SLC38A4: variants seen among roughly 807,000 people sequenced by gnomAD.
SLC38A4 encodes solute carrier family 38 member 4.
In SLC38A4, 20 loss-of-function variants were observed where a neutral mutation model predicts 63.1. That is an observed-to-expected ratio of 0.32 (90% CI 0.22 to 0.46). The LOEUF is 0.46. SLC38A4 is among the 20% of genes least tolerant of loss of function. The probability of loss-of-function intolerance (pLI) is 1.00; values close to 1 mark genes in which losing one functional copy is unlikely to be tolerated. For synonymous variants in SLC38A4, 230 were observed against 225.5 expected, an observed-to-expected ratio of 1.02 and a Z score of -0.18; for missense variants, 526 against 663.6, an observed-to-expected ratio of 0.79 and a Z score of 2.28.
chr12:46,793,024 C>T lies in SLC38A4; in HGVS notation c.48G>A (p.Glu16=). The T allele has an allele frequency of 6.2e-7, 1 of 1,613,316 alleles. No individual in the cohort carries two copies. The highest frequency in any genetic ancestry group is 8.5e-7 in the Non-Finnish European group (1 of 1,179,456). ...CTGGAGCACTTTCTCCACTGCTGCT[C>T]TCATCATCTGGTTCGATGTTGACAT... The part of the protein sequence containing the change: ...LRNVNIEPDD[E]SSSGESAPDS... Residue 16 remains glutamate, a synonymous_variant, in exon 3 of 17, where the codon GAG becomes GAA. Coordinates refer to ENST00000266579, the MANE Select transcript of SLC38A4 (RefSeq NM_018018.5).
intron 12 of SLC38A4, 30 bp from the exon 13 acceptor site, chr12:46,777,034 T>G (rs930208933): frequency 6.5e-7 from 1 of 1,549,660 alleles, no homozygotes; most frequent in Non-Finnish European, 8.8e-7. Context: ...CAAGCTTTGT[T>G]TTTTAAACTT....
chr12:46,820,849 G>A (rs965462975), intron 1 of SLC38A4, among the ~76,000 whole-genome samples: 8 of 151,832 alleles, frequency 5.3e-5, no homozygotes, highest in Admixed American at 5.3e-4. Context: ...GTTATCTTTT[G>A]TGTTTTTGAT....
intron 5 of SLC38A4, among the ~76,000 whole-genome samples, chr12:46,786,559 G>T (rs1315991579): frequency 6.6e-6 from 1 of 152,002 alleles, no homozygotes; most frequent in East Asian, 1.9e-4. Flanking sequence ...TCATTTTAAT[G>T]GTATGTATAA....
In SLC38A4 at chr12:46,766,625, TCA is replaced by T. The variant is rs746901295; in HGVS notation, c.*74_*75del. ...TTATTTCCTATGAATAACATTCCAA[TCA>T]AGATAATTCAAATATCTTTTGGAGT... On this transcript the variant is annotated 3_prime_UTR_variant, in exon 17 of 17. Coordinates refer to ENST00000266579, the MANE Select transcript of SLC38A4 (RefSeq NM_018018.5). 5 of 999,034 alleles carry T rather than the reference TCA, an allele frequency of 5.0e-6. No homozygotes were observed. The South Asian group carries it at 6.9e-5, about 14-fold the overall frequency. The allele number at this position is 999,034 out of a possible 1,614,324, so 61.9% of individuals were successfully genotyped here. A position where few individuals can be genotyped will look rare whatever the true frequency, so the allele number is the denominator to read the frequency against.
At chr12:46,801,210 G>A (rs1374657355) in intron 2 of SLC38A4, among the ~76,000 whole-genome samples, 2 of 152,030 alleles carry the variant, frequency 1.3e-5, no homozygotes, top group Non-Finnish European at 2.9e-5. Context: ...TAATTAAAAG[G>A]TATCTAAGTG....
chr12:46,766,835 GA>G (rs1271059453), intron 16 of SLC38A4, 33 bp from the exon 17 acceptor site: 1 of 1,443,248 alleles, frequency 6.9e-7, no homozygotes, highest in Non-Finnish European at 9.7e-7. Flanking sequence ...TAGGAGCACA[GA>G]AACCATACTT....
chr12:46,783,123 A>T (rs1220472484), intron 7 of SLC38A4, among the ~76,000 whole-genome samples: 2 of 149,388 alleles, frequency 1.3e-5, no homozygotes, highest in Non-Finnish European at 3.0e-5. Flanking sequence ...GAAGGCATGG[A>T]TGATTTTTAA....
At chr12:46,827,864 A>G (rs1374423007), upstream of SLC38A4, among the ~76,000 whole-genome samples, 2 of 152,154 alleles carry the variant, frequency 1.3e-5, no homozygotes, top group Non-Finnish European at 2.9e-5. Context: ...CAATCAAAAA[A>G]GCTGTATGCT....
chr12:46,813,433 A>G (rs1939378081), intron 1 of SLC38A4, among the ~76,000 whole-genome samples: 1 of 151,976 alleles, frequency 6.6e-6, no homozygotes, highest in South Asian at 2.1e-4. Flanking sequence ...AGTGAAATGG[A>G]GAACACATTG....
intron 7 of SLC38A4, among the ~76,000 whole-genome samples, chr12:46,781,183 C>T (rs576209951): frequency 2.0e-5 from 3 of 152,014 alleles, no homozygotes; most frequent in South Asian, 2.1e-4. Context: ...ATAAAAACTC[C>T]GAGATGTTAA....
At chr12:46,799,955 T>G (rs751283874) in intron 2 of SLC38A4, among the ~76,000 whole-genome samples, 2 of 152,146 alleles carry the variant, frequency 1.3e-5, no homozygotes, top group African/African-American at 4.8e-5. Flanking sequence ...ATAATTAACA[T>G]TTTTTACCTT....
intron 1 of SLC38A4, among the ~76,000 whole-genome samples, chr12:46,809,496 C>T (rs1026335795): frequency 9.2e-5 from 14 of 152,040 alleles, no homozygotes; most frequent in African/African-American, 3.4e-4. Flanking sequence ...GGACTCCAAG[C>T]AACTCCCAGG....
chr12:46,804,710 G>A (rs975167623), intron 1 of SLC38A4, among the ~76,000 whole-genome samples: 1 of 151,926 alleles, frequency 6.6e-6, no homozygotes, highest in Admixed American at 6.6e-5. Flanking sequence ...TGCCCGTTTG[G>A]TCTATTAACT....
intron 2 of SLC38A4, among the ~76,000 whole-genome samples, chr12:46,801,893 A>G (rs1286495512): frequency 6.6e-6 from 1 of 152,088 alleles, no homozygotes; most frequent in African/African-American, 2.4e-5. Context: ...GAAGAAACCA[A>G]CAATAACAGC....
chr12:46,787,861 G>T, intron 5 of SLC38A4, 55 bp downstream of exon 5: 1 of 1,294,876 alleles, frequency 7.7e-7, no homozygotes, highest in Admixed American at 1.9e-5. Flanking sequence ...AATTGAAAAA[G>T]CCACCAGGTA....
intron 7 of SLC38A4, among the ~76,000 whole-genome samples, chr12:46,781,429 A>G (rs1014964404): frequency 2.0e-5 from 3 of 152,076 alleles, no homozygotes; most frequent in African/African-American, 7.2e-5. Flanking sequence ...TCAATGTTAC[A>G]GCTATTAATT....
At chr12:46,822,213 C>T (rs1161192755) in intron 1 of SLC38A4, among the ~76,000 whole-genome samples, 1 of 152,090 alleles carries the variant, frequency 6.6e-6, no homozygotes, top group East Asian at 1.9e-4. Context: ...ACATAGGGTT[C>T]CAATCACTTA....
At chr12:46,821,407 T>C (rs745948876) in intron 1 of SLC38A4, among the ~76,000 whole-genome samples, 29 of 152,136 alleles carry the variant, frequency 1.9e-4, no homozygotes, top group Non-Finnish European at 3.5e-4. Context: ...CACCATTTGT[T>C]GAAGAGGCTA....
At chr12:46,804,951 G>A (rs1165512463) in intron 1 of SLC38A4, among the ~76,000 whole-genome samples, 3 of 151,842 alleles carry the variant, frequency 2.0e-5, no homozygotes, top group Non-Finnish European at 4.4e-5. Context: ...CTTTCTGTTT[G>A]CAAAGTTACC....
Sources: allele counts gnomAD v4.1 joint callset (sites outside exome capture counted in the v4.1 genomes callset), GRCh38; gene constraint gnomAD v4.1.1; transcripts MANE v1.5; gene names NCBI Gene and HGNC (gene_info 2026-07-23, HGNC 2026-07-21).